The following DGKQ variants were observed in gnomAD, a reference collection of about 807,000 sequenced individuals.
DGKQ encodes the protein diacylglycerol kinase theta, also known as DAG kinase theta.
DGKQ carries 97 observed loss-of-function variants against 104.2 expected under a neutral mutation model. That is an observed-to-expected ratio of 0.93 (90% CI 0.79 to 1.10). The LOEUF is 1.10. Among genes scored for constraint, DGKQ ranks in the 50% least tolerant of loss-of-function variants. DGKQ has a pLI of 0.00. For missense variants in DGKQ, 1,465 were observed against 1,352.1 expected (o/e 1.08, Z -1.31); for synonymous variants, 736 against 595.2 (o/e 1.24, Z -3.44).
intron 13 of DGKQ, 81 bp downstream of exon 13, chr4:965,847 C>T (rs368942041): frequency 9.5e-5 from 135 of 1,420,808 alleles, no homozygotes; most frequent in Admixed American, 2.7e-4. Flanking sequence ...AGGCAGGAGC[C>T]GGCTCAGCAC....
At chr4:969,635 A>T (rs1318110208) in intron 2 of DGKQ, among the ~76,000 whole-genome samples, 3 of 137,552 alleles carry the variant, frequency 2.2e-5, no homozygotes, top group African/African-American at 5.4e-5. Flanking sequence ...TTTGAGATGG[A>T]GTCTCGCTCT....
chr4:967,884 C>A lies in DGKQ; in HGVS notation c.807G>T (p.Glu269Asp). Residue 269 changes from glutamate (E) to aspartate (D), a missense_variant, in exon 6 of 23, where the codon GAG (glutamate) becomes GAT (aspartate). Glu to Asp is a conservative substitution (Grantham distance 45). Coordinates refer to ENST00000273814, the MANE Select transcript of DGKQ (RefSeq NM_001347.4). ...CCCGGCCGGCCCGCACCTCACCCGG[C>A]TCCGCGGCCTCCACGATGCGGAAGC... ...TQSFRIVEAAEPGEGGDGADG... is the reference protein window; with the variant it reads ...TQSFRIVEAADPGEGGDGADG... The A allele has an allele frequency of 6.9e-7, 1 of 1,451,134 alleles. No homozygotes were observed. The highest frequency in any genetic ancestry group is 9.0e-7 in the Non-Finnish European group (1 of 1,109,188). The allele number at this position is 1,451,134 out of a possible 1,614,324, so 89.9% of individuals were successfully genotyped here. A position where few individuals can be genotyped will look rare whatever the true frequency, so the allele number is the denominator to read the frequency against.
intron 13 of DGKQ, 102 bp from the exon 14 acceptor site, chr4:965,631 A>T: frequency 7.6e-7 from 1 of 1,319,202 alleles, no homozygotes. Flanking sequence ...ATCTCACCCC[A>T]AAGGCAGCCT....
At position 966,004 on chromosome 4, in the gene DGKQ, CAG is replaced by C; in HGVS notation, c.1501_1502del (p.Leu501ValfsTer20). The stretch of plus-strand genomic sequence containing the variant: ...GGCCGGGAGGCAGGCCGCCAACAAA[CAG>C]GGAGACGTGCGGGGCTACATCCCTG... ...ESRDVAPHVS[L>X]FVGGLPPGLS... On this transcript the variant is annotated frameshift_variant, in exon 13 of 23. Transcript: ENST00000273814. LOFTEE classifies it high-confidence loss of function. The C allele has an allele frequency of 6.2e-7, 1 of 1,605,994 alleles. No homozygotes were observed. Among genetic ancestry groups the C allele is most frequent in the African/African-American group, 1.3e-5 (1 of 75,006 alleles).
At chr4:966,362 C>G in intron 12 of DGKQ, 104 bp downstream of exon 12, 2 of 1,321,540 alleles carry the variant, frequency 1.5e-6, no homozygotes, top group East Asian at 2.3e-5. Context: ...CAGCCGCTGC[C>G]TAGCCAAGGA....
chr4:970,567 G>A (rs554525580), intron 2 of DGKQ, among the ~76,000 whole-genome samples: 4 of 152,178 alleles, frequency 2.6e-5, no homozygotes, highest in African/African-American at 9.7e-5. Context: ...TAGCTGTGAG[G>A]AAACTGAACA....
chr4:967,502 A>G (rs746705926), intron 8 of DGKQ, 47 bp downstream of exon 8: 1 of 1,580,780 alleles, frequency 6.3e-7, no homozygotes, highest in Non-Finnish European at 8.6e-7. Context: ...GTGCGGGGAC[A>G]TGCGGTCCTG....
rs1712886130 is a variant in DGKQ at position 971,014 on chromosome 4, A to G, written c.330T>C (p.Ser110=). The change falls in exon 2 of 23, where the codon AGT becomes AGC. Residue 110 remains serine, a synonymous_variant. Coordinates refer to ENST00000273814, the MANE Select transcript of DGKQ (RefSeq NM_001347.4). The surrounding 1 kb of genome is among the most constrained non-coding windows in gnomAD (Gnocchi z 4.0). ...TCACCCGGACCAGGCTGGGTGCCAC[A>G]CTCGTGCACGGGATCCTCACGTGCT... is the stretch of plus-strand genomic sequence containing the variant. ...CLKHVRIPCT[S]VAPSLVRVPV... is the part of the protein sequence containing the mutation. 2 of 1,553,218 alleles carry G rather than the reference A, an allele frequency of 1.3e-6. No individual in the cohort carries two copies. The highest frequency in any genetic ancestry group is 1.4e-5 in the African/African-American group (1 of 73,412).
In DGKQ at chr4:967,043, G is replaced by A. The variant is rs1359919909; in HGVS notation, c.1232C>T (p.Ala411Val). ...CGGGGTCACTCGCACGGACACGTAGGCCACGCCCACCCTGTGGGGACACAG... is the reference window on the plus strand; with the variant it reads ...CGGGGTCACTCGCACGGACACGTAGACCACGCCCACCCTGTGGGGACACAG... ...IYPGWLKVGV[A>V]YVSVRVTPKS... The change falls in exon 10 of 23, where the codon GCC becomes GTC. Residue 411 changes from alanine (A) to valine (V), a missense_variant. By Grantham distance (64) the Ala-to-Val change is moderately conservative (BLOSUM62 0). Transcript: ENST00000273814. The A allele has an allele frequency of 3.2e-6, 5 of 1,558,902 alleles. No homozygotes were observed. The highest frequency in any genetic ancestry group is 4.3e-6 in the Non-Finnish European group (5 of 1,152,632).
At chr4:966,153 G>C (rs867705163) in intron 12 of DGKQ, 75 bp from the exon 13 acceptor site, 11 of 1,366,778 alleles carry the variant, frequency 8.0e-6, no homozygotes. Flanking sequence ...CTCCTCACCC[G>C]CAAAACAGCA....
In DGKQ at chr4:965,478, C is replaced by T. The variant is rs1457115373; in HGVS notation, c.1618+13G>A. 6.2e-7 allele frequency: 1 copy of T among 1,610,000 alleles called. No individual in the cohort carries two copies. The highest frequency in any genetic ancestry group is 1.3e-5 in the African/African-American group (1 of 74,904). ...CTGGGCCTCATGTGACCACGTCCCT[C>T]AGGGCAGCTCACCTTGGGAGGAGTA... is the stretch of plus-strand genomic sequence containing the variant. On this transcript the variant is annotated intron_variant, in intron 14 of 22. Coordinates refer to ENST00000273814, the MANE Select transcript of DGKQ (RefSeq NM_001347.4).
At chr4:962,144 C>T (rs1711934816) in intron 18 of DGKQ, 62 bp from the exon 19 acceptor site, 1 of 1,419,034 alleles carries the variant, frequency 7.0e-7, no homozygotes. Flanking sequence ...CTGAGCTCCC[C>T]AACAGCTCTG....
intron 8 of DGKQ, 37 bp downstream of exon 8, chr4:967,512 G>T: frequency 6.3e-7 from 1 of 1,594,886 alleles, no homozygotes; most frequent in East Asian, 2.2e-5. Context: ...ATGCGGTCCT[G>T]GGAGGGGGCT....
intron 15 of DGKQ, 60 bp from the exon 16 acceptor site, chr4:963,350 G>C: frequency 6.6e-7 from 1 of 1,512,054 alleles, no homozygotes; most frequent in Non-Finnish European, 9.0e-7. Flanking sequence ...CCACTGCTGG[G>C]GTTGCCAGGC....
At chr4:963,841 G>A (rs1052636391) in intron 15 of DGKQ, among the ~76,000 whole-genome samples, 1 of 152,188 alleles carries the variant, frequency 6.6e-6, no homozygotes, top group Admixed American at 6.5e-5. Context: ...AGTACCCAGG[G>A]ATCTAGACAC....
chr4:960,984 G>C, intron 22 of DGKQ, 65 bp downstream of exon 22: 1 of 1,588,886 alleles, frequency 6.3e-7, no homozygotes, highest in East Asian at 2.2e-5. Flanking sequence ...GGGTACCACT[G>C]GCCACTCCCA....
At chr4:961,928 G>A in intron 19 of DGKQ, 54 bp downstream of exon 19, 20 of 1,609,744 alleles carry the variant, frequency 1.2e-5, no homozygotes, top group Non-Finnish European at 1.4e-5. Flanking sequence ...TTCCTGCTGG[G>A]GGACCTGAGG....
At position 971,409 on chromosome 4, in the gene DGKQ, C is replaced by A. The variant is rs1431856766; in HGVS notation, c.272-337G>T. ...GGGGCAGCCCTGGGCTCACCAGGTT[C>A]GCCAGGTGGCAGGGGCTTCTCGGCC... On this transcript the variant is annotated intron_variant, in intron 1 of 22. Coordinates refer to ENST00000273814, the MANE Select transcript of DGKQ (RefSeq NM_001347.4). This position sits in a 1 kb window ranked among gnomAD's most constrained non-coding sequence, Gnocchi z 4.0. Among the ~76,000 whole-genome samples the A allele has an allele frequency of 1.3e-5, 2 of 152,238 alleles. No individual in the cohort carries two copies. Among genetic ancestry groups the A allele is most frequent in the African/African-American group, 4.8e-5 (2 of 41,466 alleles).
Position 973,199 on chromosome 4 carries a change from C to T in DGKQ, c.271+13G>A. On this transcript the variant is annotated intron_variant, in intron 1 of 22. Coordinates refer to ENST00000273814, the MANE Select transcript of DGKQ (RefSeq NM_001347.4). ...GGGCTGCAGCCGGGTAGGCATCGGG[C>T]CCGGGCGCTCACCGTCGCACAGGAA... The T allele has an allele frequency of 6.5e-7, 1 of 1,539,456 alleles. No individual in the cohort carries two copies. Among genetic ancestry groups the T allele is most frequent in the Non-Finnish European group, 8.7e-7 (1 of 1,145,808 alleles).
Sources: allele counts gnomAD v4.1 joint callset (sites outside exome capture counted in the v4.1 genomes callset), GRCh38; gene constraint gnomAD v4.1.1; non-coding constraint Gnocchi (gnomAD v3.1); transcripts MANE v1.5; gene names NCBI Gene and HGNC (gene_info 2026-07-23, HGNC 2026-07-21).